CASD1: variants seen among roughly 807,000 people sequenced by gnomAD.
The protein encoded by CASD1 is N-acetylneuraminate (7)9-O-acetyltransferase.
CASD1 carries 41 observed loss-of-function variants against 100.0 expected under a neutral mutation model. That is an observed-to-expected ratio of 0.41 (90% CI 0.32 to 0.53). The LOEUF (loss-of-function observed/expected upper bound fraction) is 0.53. Among genes scored for constraint, CASD1 ranks in the 20% least tolerant of loss-of-function variants. The pLI, the probability that CASD1 is intolerant of heterozygous loss-of-function variation, is 0.25. For synonymous variants in CASD1, 321 were observed against 315.6 expected, an observed-to-expected ratio of 1.02 and a Z score of -0.18; for missense variants, 774 against 948.7, an observed-to-expected ratio of 0.82 and a Z score of 2.42.
chr7:94,574,102 T>C, the CASD1 span, among the ~76,000 whole-genome samples: 5 of 152,170 alleles, frequency 3.3e-5, no homozygotes, highest in East Asian at 7.7e-4. Context: ...TGGATTAGCT[T>C]TTTGATGTGC....
chr7:94,544,476 G>T lies in CASD1; in HGVS notation c.1422G>T (p.Gly474=), dbSNP rs1452084824. The T allele has an allele frequency of 6.2e-7, 1 of 1,613,168 alleles. No homozygotes were observed. The highest frequency in any genetic ancestry group is 8.5e-7 in the Non-Finnish European group (1 of 1,179,424). ...CATATTTATTTCAGACAGGGTATGG[G>T]CATTTCTCATACTTTTGGATAAAAG... ...VAAYLFQTGY[G]HFSYFWIKGD... Residue 474 remains glycine (G), a synonymous_variant, in exon 11 of 18, where the codon GGG becomes GGT. Transcript: ENST00000297273.
At chr7:94,552,240 A>G (rs1795984973) in intron 15 of CASD1, 110 bp from the exon 16 acceptor site, 2 of 729,730 alleles carry the variant, frequency 2.7e-6, no homozygotes, top group Non-Finnish European at 4.6e-6. Flanking sequence ...TTTACATAGC[A>G]TAATGAAGTA....
At chr7:94,543,992 C>G (rs1439337554) in intron 10 of CASD1, among the ~76,000 whole-genome samples, 1 of 152,230 alleles carries the variant, frequency 6.6e-6, no homozygotes, top group East Asian at 1.9e-4. Flanking sequence ...TATGTTTACA[C>G]TGGGTAAAAG....
At chr7:94,599,176 T>C in the CASD1 span, 1 of 509,524 alleles carries the variant, frequency 2.0e-6, no homozygotes, top group Admixed American at 3.5e-5. Flanking sequence ...TTAAAATACA[T>C]AGGTGTTTTA....
intron 16 of CASD1, 119 bp from the exon 17 acceptor site, chr7:94,554,364 T>G (rs1796101775): frequency 1.6e-6 from 1 of 632,898 alleles, no homozygotes; most frequent in African/African-American, 1.8e-5. Context: ...AAAAAGACTG[T>G]TGTATATGTG....
Position 94,554,486 on chromosome 7 carries a change from T to C in CASD1, c.2038T>C (p.Leu680=), listed in dbSNP as rs774267071. Residue 680 remains leucine, a synonymous_variant, in exon 17 of 18, where the codon TTA becomes CTA. Transcript: ENST00000297273. ...TGCTTTTGTGCTTTTTCTTTAGATTTTAGCCTTCATCCTAATAAGAAACAT... is the reference window on the plus strand; with the variant it reads ...TGCTTTTGTGCTTTTTCTTTAGATTCTAGCCTTCATCCTAATAAGAAACAT... ...LHPSVSVVQI[L]AFILIRNIPG... is the part of the protein sequence containing the mutation. 1.9e-6 allele frequency: 3 copies of C among 1,600,308 alleles called. No individual in the cohort carries two copies. In the African/African-American group the frequency reaches 4.0e-5, roughly 22 times the overall value.
the CASD1 span, among the ~76,000 whole-genome samples, chr7:94,602,206 A>G: frequency 6.6e-6 from 1 of 152,126 alleles, no homozygotes. Context: ...GCACCCTTGT[A>G]TCGTTAGCAC....
At chr7:94,598,439 A>G in the CASD1 span, 4 of 259,486 alleles carry the variant, frequency 1.5e-5, no homozygotes, top group Non-Finnish European at 7.5e-6. Flanking sequence ...CTCTAAAAAT[A>G]ATCAATTTGA....
intron 7 of CASD1, among the ~76,000 whole-genome samples, chr7:94,534,732 G>A (rs1033735534): frequency 1.3e-5 from 2 of 152,100 alleles, no homozygotes; most frequent in African/African-American, 4.8e-5. Context: ...ATAAGAAAAA[G>A]GGTAGTGATG....
chr7:94,615,377 G>C, the CASD1 span, among the ~76,000 whole-genome samples: 1 of 93,312 alleles, frequency 1.1e-5, no homozygotes, highest in Non-Finnish European at 2.2e-5. Context: ...TAGATAGATA[G>C]ATAGATAGAT....
Position 94,555,690 on chromosome 7 carries a change from GC to G in CASD1, c.2327del (p.Ala776AspfsTer3). On this transcript the variant is annotated frameshift_variant, in exon 18 of 18. Transcript: ENST00000297273. LOFTEE classifies it high-confidence loss of function. ...KDNSSLLKRLACIAAFFCGLL... is the reference protein window; with the variant it reads ...KDNSSLLKRLXCIAAFFCGLL... ...TAACTCATCTCTCTTGAAAAGGTTG[GC>G]ATGTATAGCTGCATTTTTTTGTGGA... The G allele has an allele frequency of 1.9e-6, 3 of 1,613,206 alleles. No homozygotes were observed. The highest frequency in any genetic ancestry group is 2.5e-6 in the Non-Finnish European group (3 of 1,179,506).
intron 3 of CASD1, among the ~76,000 whole-genome samples, chr7:94,523,256 A>G (rs1332798004): frequency 4.6e-5 from 7 of 152,348 alleles, no homozygotes; most frequent in Middle Eastern, 3.4e-3. Flanking sequence ...TGAGGAGTTC[A>G]TATGATACAA....
the CASD1 span, among the ~76,000 whole-genome samples, chr7:94,613,262 G>T: frequency 6.6e-6 from 1 of 152,070 alleles, no homozygotes; most frequent in Non-Finnish European, 1.5e-5. Context: ...ATGTAATTTT[G>T]TCTGAGTCCA....
the CASD1 span, among the ~76,000 whole-genome samples, chr7:94,584,065 C>T: frequency 2.0e-5 from 3 of 152,134 alleles, no homozygotes; most frequent in Non-Finnish European, 4.4e-5. Context: ...CATTCAATAC[C>T]TCAATATGGT....
the CASD1 span, among the ~76,000 whole-genome samples, chr7:94,605,279 A>C: frequency 1.3e-5 from 2 of 152,294 alleles, no homozygotes; most frequent in East Asian, 3.9e-4. Flanking sequence ...AAGAAATGTT[A>C]AAATAACTTC....
the CASD1 span, chr7:94,587,617 A>T: frequency 7.2e-7 from 1 of 1,397,484 alleles, no homozygotes; most frequent in Non-Finnish European, 9.2e-7. Context: ...TCCTTCATCA[A>T]TCTCCTGAAT....
chr7:94,560,648 C>A (rs568123884), downstream of CASD1, among the ~76,000 whole-genome samples: 4 of 152,204 alleles, frequency 2.6e-5, no homozygotes, highest in South Asian at 6.2e-4. Context: ...TGGATAGAAT[C>A]AGCATAAAAA....
At chr7:94,527,311 G>A (rs1794624433) in intron 4 of CASD1, 105 bp downstream of exon 4, 1 of 831,640 alleles carries the variant, frequency 1.2e-6, no homozygotes, top group East Asian at 2.5e-5. Flanking sequence ...GAGTAGATAA[G>A]AATATTAGGA....
chr7:94,537,352 C>T, intron 8 of CASD1, 120 bp from the exon 9 acceptor site: 1 of 852,352 alleles, frequency 1.2e-6, no homozygotes, highest in South Asian at 1.8e-5. Context: ...GAAATGGTAG[C>T]AAAAGATACG....
Sources: gnomAD v4.1 joint callset for allele counts (sites outside exome capture counted in the v4.1 genomes callset) on GRCh38, gnomAD v4.1.1 for gene constraint, MANE v1.5 for transcripts, NCBI Gene and HGNC (gene_info 2026-07-23, HGNC 2026-07-21) for gene names.